ITSN1: variants seen among roughly 807,000 people sequenced by gnomAD.
The protein encoded by ITSN1 is intersectin 1.
ITSN1 carries 58 observed loss-of-function variants against 239.8 expected under a neutral mutation model. The observed-to-expected ratio is 0.24, with a 90% CI of 0.20 to 0.30. ITSN1 has a LOEUF of 0.30. ITSN1 is among the 10% of genes least tolerant of loss of function. The pLI is 1.00. For missense variants in ITSN1, 1,558 were observed against 2,103.3 expected, an observed-to-expected ratio of 0.74 and a Z score of 5.07; for synonymous variants, 780 against 770.8, an observed-to-expected ratio of 1.01 and a Z score of -0.20.
chr21:33,693,928 G>T (rs913869089), intron 1 of ITSN1, among the ~76,000 whole-genome samples: 23 of 152,180 alleles, frequency 1.5e-4, no homozygotes, highest in African/African-American at 5.3e-4. Context: ...ACAAGTTTTT[G>T]ATATATTTTG....
In ITSN1 at chr21:33,813,812, G is replaced by C. The variant is rs959470572; in HGVS notation, c.2568-101G>C. ...CTGTGGGTAAAAAGCTGGCATATTA[G>C]GGAGTGCTTGCTTTTTTTTTTTTTT... is the stretch of plus-strand genomic sequence containing the variant. On this transcript the variant is annotated intron_variant, in intron 21 of 39. Transcript: ENST00000381318. 3.0e-6 allele frequency: 3 copies of C among 1,000,836 alleles called. No homozygotes were observed. The Admixed American group carries it at 7.8e-5, about 26-fold the overall frequency. 62.0% of individuals were successfully genotyped at this position (1,000,836 alleles called of 1,614,324 possible).
intron 4 of ITSN1, among the ~76,000 whole-genome samples, chr21:33,725,281 G>T (rs974710032): frequency 1.3e-5 from 2 of 151,228 alleles, no homozygotes; most frequent in Admixed American, 1.3e-4. Flanking sequence ...GATTACAGGC[G>T]TACACCACCA....
intron 5 of ITSN1, among the ~76,000 whole-genome samples, chr21:33,742,600 C>T (rs2066930438): frequency 1.3e-5 from 2 of 152,180 alleles, no homozygotes; most frequent in South Asian, 2.1e-4. Context: ...TACAAAGGAT[C>T]TGAGAGATTT....
At chr21:33,794,274 T>C in intron 16 of ITSN1, 67 bp from the exon 17 acceptor site, 1 of 1,197,096 alleles carries the variant, frequency 8.4e-7, no homozygotes, top group Non-Finnish European at 1.2e-6. Flanking sequence ...AAATGTTGCA[T>C]GCTGATAAAT....
At chr21:33,818,173 C>A in intron 22 of ITSN1, 94 bp from the exon 23 acceptor site, 2 of 990,050 alleles carry the variant, frequency 2.0e-6, no homozygotes, top group Non-Finnish European at 3.1e-6. Flanking sequence ...GCTTGTCTGG[C>A]CTGTGCTTGT....
intron 1 of ITSN1, among the ~76,000 whole-genome samples, chr21:33,700,138 C>T (rs2091946735): frequency 6.6e-6 from 1 of 151,456 alleles, no homozygotes; most frequent in Non-Finnish European, 1.5e-5. Flanking sequence ...GGCTGGAGTG[C>T]AGTGGCACGA....
chr21:33,751,903 C>T lies in ITSN1; in HGVS notation c.620C>T (p.Ala207Val), dbSNP rs749222997. The part of the protein sequence containing the change: ...KLQKAQSFDV[A>V]SVPPVAEWAV... ...CAAAAGGCACAGTCATTTGATGTGG[C>T]CAGGTAAGTTTGCTTGTTTTTAAAT... Residue 207 changes from alanine to valine, a missense_variant, in exon 7 of 40, where the codon GCC becomes GTC. Around this residue, in one of 2 missense-constraint regions of ITSN1, gnomAD observed 982 missense variants for 1,209.9 expected, o/e 0.81. Coordinates refer to ENST00000381318, the MANE Select transcript of ITSN1 (RefSeq NM_003024.3). 1.9e-5 allele frequency: 30 copies of T among 1,608,254 alleles called. No homozygotes were observed. In the South Asian group the frequency reaches 3.1e-4, roughly 17 times the overall value.
intron 34 of ITSN1, among the ~76,000 whole-genome samples, chr21:33,876,687 G>A (rs141671696): frequency 9.1e-4 from 139 of 152,316 alleles, no homozygotes; most frequent in Middle Eastern, 3.4e-3. Context: ...GCTAGTTTGT[G>A]TTCAAGATCA....
chr21:33,813,997 C>T lies in ITSN1; in HGVS notation c.2652C>T (p.Ala884=), dbSNP rs138169059. Residue 884 remains alanine, a synonymous_variant, in exon 22 of 40, where the codon GCC becomes GCT. Transcript: ENST00000381318. ...AAQPSLTVPS[A]GQLRQRSAFT... ...AGCCCTCTCTCACCGTTCCAAGTGC[C>T]GGCCAGTTAAGGCAGAGGTCCGCCT... 5.1e-5 allele frequency: 82 copies of T among 1,614,064 alleles called. No individual in the cohort carries two copies. The highest frequency in any genetic ancestry group is 3.3e-4 in the Middle Eastern group (2 of 6,084).
chr21:33,898,569 G>T lies in ITSN1; in HGVS notation c.*10269G>T, dbSNP rs955365659. Reference sequence around the variant, plus strand: ...ACCCCTGAGAAAGGCATTCAGAAATGATTTCAGGAGGGGGCAACCCCAGGA... The same window carrying T: ...ACCCCTGAGAAAGGCATTCAGAAATTATTTCAGGAGGGGGCAACCCCAGGA... On this transcript the variant is annotated 3_prime_UTR_variant, in exon 40 of 40. Coordinates refer to ENST00000381318, the MANE Select transcript of ITSN1 (RefSeq NM_003024.3). 4 of 152,230 alleles carry T rather than the reference G, an allele frequency of 2.6e-5. No homozygotes were observed. Among genetic ancestry groups the T allele is most frequent in the Non-Finnish European group, 5.9e-5 (4 of 68,054 alleles). 9.4% of individuals were successfully genotyped at this position (152,230 alleles called of 1,614,324 possible). A position where few individuals can be genotyped will look rare whatever the true frequency, so the allele number is the denominator to read the frequency against.
Position 33,724,097 on chromosome 21 carries a change from T to TTGTGTG in ITSN1, c.185+1460_185+1465dup, listed in dbSNP as rs58227751. Among the ~76,000 whole-genome samples the TTGTGTG allele has an allele frequency of 3.2e-3, 488 of 150,654 alleles. 2 individuals are homozygous for TTGTGTG. The highest frequency in any genetic ancestry group is 0.011 in the African/African-American group (432 of 41,084). ...TTCACAGGAGATTGTGTGTGTGTGT[T>TTGTGTG]TGTGTGTGTGTGTGTGTGTATTTGG... On this transcript the variant is annotated intron_variant, in intron 4 of 39. Transcript: ENST00000381318.
At chr21:33,866,743 C>T (rs1981663646) in intron 32 of ITSN1, among the ~76,000 whole-genome samples, 1 of 152,236 alleles carries the variant, frequency 6.6e-6, no homozygotes, top group Non-Finnish European at 1.5e-5. Context: ...GTCTGAGCTC[C>T]TCTTTCTCAG....
chr21:33,860,434 T>C (rs1980290252), intron 31 of ITSN1, among the ~76,000 whole-genome samples: 3 of 152,164 alleles, frequency 2.0e-5, no homozygotes, highest in Admixed American at 2.0e-4. Flanking sequence ...AAGTAGCCCT[T>C]AGAGAGGGCT....
At position 33,896,738 on chromosome 21, in the gene ITSN1, G is replaced by A. The variant is rs1602755032; in HGVS notation, c.*8438G>A. 6.6e-6 allele frequency: 1 copy of A among 152,262 alleles called. No individual in the cohort carries two copies. Among genetic ancestry groups the A allele is most frequent in the African/African-American group, 2.4e-5 (1 of 41,444 alleles). 9.4% of individuals were successfully genotyped at this position (152,262 alleles called of 1,614,324 possible). On this transcript the variant is annotated 3_prime_UTR_variant, in exon 40 of 40. Transcript: ENST00000381318. ...GCTTCCTGTTGTTGCTTTCTTTCAC[G>A]AGCTTTTACTTTTCCTGGGCTGGAC...
At chr21:33,799,588 A>G (rs749602004) in intron 18 of ITSN1, among the ~76,000 whole-genome samples, 4 of 152,016 alleles carry the variant, frequency 2.6e-5, no homozygotes, top group Non-Finnish European at 4.4e-5. Flanking sequence ...TTGTTTAGAG[A>G]GAGTCACTAA....
chr21:33,797,715 T>A lies in ITSN1; in HGVS notation c.2182+107T>A, dbSNP rs2071671111. 3.8e-6 allele frequency: 3 copies of A among 781,694 alleles called. No individual in the cohort carries two copies. Among genetic ancestry groups the A allele is most frequent in the Admixed American group, 5.4e-5 (2 of 37,342 alleles). 48.4% of individuals were successfully genotyped at this position (781,694 alleles called of 1,614,324 possible). On this transcript the variant is annotated intron_variant, in intron 18 of 39. Coordinates refer to ENST00000381318, the MANE Select transcript of ITSN1 (RefSeq NM_003024.3). The surrounding 1 kb of genome is among the most constrained non-coding windows in gnomAD (Gnocchi z 4.9). Reference sequence around the variant, plus strand: ...TACCTGTCTTGGCTACATTAACAGATGAGAACGTCAGTCTCTTATTTTGAG... The same window carrying A: ...TACCTGTCTTGGCTACATTAACAGAAGAGAACGTCAGTCTCTTATTTTGAG...
chr21:33,860,315 GAAAAAAAAA>G (rs537916792), intron 31 of ITSN1, among the ~76,000 whole-genome samples: 1 of 70,306 alleles, frequency 1.4e-5, no homozygotes, highest in Admixed American at 1.6e-4. Flanking sequence ...CTCAAAAAAA[GAAAAAAAAA>G]AAAAAAAAGA....
chr21:33,730,546 A>G (rs960813132), intron 4 of ITSN1, among the ~76,000 whole-genome samples: 4 of 150,786 alleles, frequency 2.7e-5, no homozygotes, highest in African/African-American at 9.8e-5. Context: ...GATTACAGGC[A>G]CGTGCCACCA....
chr21:33,692,947 C>T (rs1398299788), intron 1 of ITSN1, among the ~76,000 whole-genome samples: 1 of 151,932 alleles, frequency 6.6e-6, no homozygotes, highest in Non-Finnish European at 1.5e-5. Context: ...TTTTTGCATG[C>T]CACCATGCCA....
Sources: gnomAD v4.1 joint callset for allele counts (sites outside exome capture counted in the v4.1 genomes callset) on GRCh38, gnomAD v4.1.1 for gene constraint, gnomAD v4.1.1 regional missense constraint, Gnocchi (gnomAD v3.1) non-coding constraint, MANE v1.5 for transcripts, NCBI Gene and HGNC (gene_info 2026-07-23, HGNC 2026-07-21) for gene names.